The following MXD4 variants were observed in gnomAD, a reference collection of about 807,000 sequenced individuals.
MXD4 encodes Mad4 homolog.
In MXD4, 16 loss-of-function variants were observed where a neutral mutation model predicts 24.5. The ratio of observed to expected loss-of-function variants is 0.65; its 90% CI spans 0.44 to 0.99. The LOEUF (loss-of-function observed/expected upper bound fraction) is 0.99. MXD4 is among the 50% of genes least tolerant of loss of function. The pLI is 0.00. For synonymous variants in MXD4, 164 were observed against 134.2 expected, an observed-to-expected ratio of 1.22 and a Z score of -1.54; for missense variants, 301 against 301.5, an observed-to-expected ratio of 1.00 and a Z score of 0.01.
chr4:2,255,484 C>T (rs1735407563), intron 3 of MXD4: 1 of 440,080 alleles, frequency 2.3e-6, no homozygotes, highest in South Asian at 1.6e-5. Flanking sequence ...TGGAGAGCAG[C>T]AGTGGCCTGG....
chr4:2,248,021 A>C lies in MXD4; in HGVS notation c.*2523T>G, dbSNP rs1269382594. 6.6e-6 allele frequency: 1 copy of C among 152,352 alleles called. No homozygotes were observed. Among genetic ancestry groups the C allele is most frequent in the African/African-American group, 2.4e-5 (1 of 41,470 alleles). 9.4% of individuals were successfully genotyped at this position (152,352 alleles called of 1,614,324 possible). On this transcript the variant is annotated 3_prime_UTR_variant, in exon 6 of 6. Coordinates refer to ENST00000337190, the MANE Select transcript of MXD4 (RefSeq NM_006454.3). ...GCTGGGAGGGCACACGCAGAGGCTC[A>C]GGAGCCCCGGGCTCTGTTCTGCTTC...
rs150472242 is a variant in MXD4 at position 2,250,634 on chromosome 4, C to G, written c.540G>C (p.Ala180=). 2 of 1,613,570 alleles carry G rather than the reference C, an allele frequency of 1.2e-6. No homozygotes were observed. Among genetic ancestry groups the G allele is most frequent in the East Asian group, 2.2e-5 (1 of 44,876 alleles). ...ELDSVGSSSD[A]DDHYSLQSGT... is the part of the protein sequence containing the mutation. ...CACTCTGCAGGCTGTAGTGGTCGTC[C>G]GCGTCACTGCTGCTGCCAACACTGT... The change falls in exon 6 of 6, where the codon GCG becomes GCC. Residue 180 remains alanine (A), a synonymous_variant. Coordinates refer to ENST00000337190, the MANE Select transcript of MXD4 (RefSeq NM_006454.3).
chr4:2,247,647 T>C lies in MXD4; in HGVS notation c.*2897A>G, dbSNP rs1466321619. ...GCTGGCCGAGGGTCAGGGTCCTCTG[T>C]GCAGGCAGTGGGGAGGGGGTCCCAG... On this transcript the variant is annotated 3_prime_UTR_variant, in exon 6 of 6. Transcript: ENST00000337190. The C allele has an allele frequency of 2.0e-5, 3 of 152,178 alleles. No individual in the cohort carries two copies. The highest frequency in any genetic ancestry group is 4.4e-5 in the Non-Finnish European group (3 of 68,102). The allele number at this position is 152,178 out of a possible 1,614,324, so 9.4% of individuals were successfully genotyped here. A position where few individuals can be genotyped will look rare whatever the true frequency, so the allele number is the denominator to read the frequency against.
chr4:2,250,861 C>T (rs907455580), intron 5 of MXD4, among the ~76,000 whole-genome samples, 160 bp from the exon 6 acceptor site: 2 of 152,160 alleles, frequency 1.3e-5, no homozygotes, highest in African/African-American at 4.8e-5. Context: ...GGCTGAGAAC[C>T]CGGCCTCAGA....
intron 4 of MXD4, 64 bp downstream of exon 4, chr4:2,252,344 C>A: frequency 7.3e-7 from 1 of 1,366,806 alleles, no homozygotes; most frequent in Admixed American, 1.7e-5. Context: ...TGAGCACCCC[C>A]CCAGGGCGTG....
At chr4:2,254,994 G>A in intron 3 of MXD4, 4 of 295,450 alleles carry the variant, frequency 1.4e-5, no homozygotes, top group South Asian at 8.4e-5. Flanking sequence ...GATCCACAAA[G>A]GTCTGCGCTC....
At chr4:2,259,875 T>C (rs554523729) in intron 2 of MXD4, among the ~76,000 whole-genome samples, 1 of 152,226 alleles carries the variant, frequency 6.6e-6, no homozygotes, top group Non-Finnish European at 1.5e-5. Context: ...CTGGCCCCAG[T>C]GCTCTGCCGC....
rs1432354120 is a variant in MXD4 at position 2,252,423 on chromosome 4, G to C, written c.294C>G (p.Ala98=). The C allele has an allele frequency of 6.2e-7, 1 of 1,612,882 alleles. No individual in the cohort carries two copies. The highest frequency in any genetic ancestry group is 8.5e-7 in the Non-Finnish European group (1 of 1,179,858). The change falls in exon 4 of 6, where the codon GCC becomes GCG. Residue 98 remains alanine (A), a synonymous_variant. Coordinates refer to ENST00000337190, the MANE Select transcript of MXD4 (RefSeq NM_006454.3). ...RHTTLSLLKR[A]KVHIKKLEEQ... is the part of the protein sequence containing the mutation. ...GCCCACTCACCTTGATGTGCACCTT[G>C]GCCCGCTTCAGGAGGCTCAGCGTGG...
rs1735559818 is a variant in MXD4 at position 2,262,030 on chromosome 4, C to A, written c.-50G>T. 2 of 1,034,600 alleles carry A rather than the reference C, an allele frequency of 1.9e-6. No individual in the cohort carries two copies. Among genetic ancestry groups the A allele is most frequent in the South Asian group, 3.9e-5 (1 of 25,330 alleles). 64.1% of individuals were successfully genotyped at this position (1,034,600 alleles called of 1,614,324 possible). The stretch of plus-strand genomic sequence containing the variant: ...CGGGACGGCGGCGGCCGCTGCCCGG[C>A]CCGCTCCGGCCGGCTCCGCTCGCCG... On this transcript the variant is annotated 5_prime_UTR_variant, in exon 1 of 6. Transcript: ENST00000337190.
chr4:2,259,037 C>T (rs1735487486), intron 2 of MXD4: 1 of 446,964 alleles, frequency 2.2e-6, no homozygotes. Context: ...AGCCAGGGCT[C>T]CCGGGCCTCC....
intron 1 of MXD4, 41 bp from the exon 2 acceptor site, chr4:2,261,865 G>T (rs751982141): frequency 8.0e-6 from 11 of 1,380,300 alleles, no homozygotes; most frequent in African/African-American, 1.5e-5. Flanking sequence ...CGCCCGGCAC[G>T]GCCCCGCCGC....
Position 2,250,646 on chromosome 4 carries a change from G to A in MXD4, c.528C>T (p.Ser176=), listed in dbSNP as rs371836137. 8 of 1,613,612 alleles carry A rather than the reference G, an allele frequency of 5.0e-6. No individual in the cohort carries two copies. In the Admixed American group the frequency reaches 5.0e-5, roughly 10 times the overall value. The change falls in exon 6 of 6, where the codon AGC becomes AGT. Residue 176 remains serine, a synonymous_variant. Transcript: ENST00000337190. ...FGPGELDSVG[S]SSDADDHYSL... ...TGTAGTGGTCGTCCGCGTCACTGCT[G>A]CTGCCAACACTGTCCAGCTCACCAG...
chr4:2,261,527 G>A (rs1401258617), intron 2 of MXD4, among the ~76,000 whole-genome samples, 198 bp downstream of exon 2: 1 of 149,660 alleles, frequency 6.7e-6, no homozygotes, highest in African/African-American at 2.4e-5. Context: ...GCCGCGGGAA[G>A]ATGGCGACGG....
chr4:2,259,260 C>G (rs992659621), intron 2 of MXD4, among the ~76,000 whole-genome samples: 5 of 152,302 alleles, frequency 3.3e-5, no homozygotes, highest in East Asian at 1.9e-4. Context: ...CCAACAGGCC[C>G]TGGGCCTCCT....
At chr4:2,257,665 T>A (rs1287561562) in intron 3 of MXD4, among the ~76,000 whole-genome samples, 1 of 152,218 alleles carries the variant, frequency 6.6e-6, no homozygotes, top group Non-Finnish European at 1.5e-5. Context: ...CCCTCCTGAT[T>A]GGAGACCACT....
At chr4:2,258,660 C>T (rs553774208) in intron 2 of MXD4, among the ~76,000 whole-genome samples, 2 of 152,210 alleles carry the variant, frequency 1.3e-5, no homozygotes, top group African/African-American at 4.8e-5. Context: ...CACACACCTG[C>T]GTGACCACAG....
In MXD4 at chr4:2,261,924, C is replaced by A; in HGVS notation, c.57G>T (p.Arg19Ser). 1 of 1,464,252 alleles carries A rather than the reference C, an allele frequency of 6.8e-7. No individual in the cohort carries two copies. Among genetic ancestry groups the A allele is most frequent in the East Asian group, 3.0e-5 (1 of 33,850 alleles). 90.7% of individuals were successfully genotyped at this position (1,464,252 alleles called of 1,614,324 possible). The change falls in exon 1 of 6, where the codon AGG becomes AGT. Residue 19 changes from arginine (R) to serine (S), a missense_variant. Arg to Ser is a moderately radical substitution (Grantham distance 110, BLOSUM62 -1). Coordinates refer to ENST00000337190, the MANE Select transcript of MXD4 (RefSeq NM_006454.3). ...LLEAAEYLERRDREAEHGYAS... is the reference protein window; with the variant it reads ...LLEAAEYLERSDREAEHGYAS... ...ATGGGGTGCGAGCGCTACCTCGATC[C>A]CTGCGCTCCAGGTACTCGGCCGCCT...
In MXD4 at chr4:2,249,756, A is replaced by T. The variant is rs1178188732; in HGVS notation, c.*788T>A. On this transcript the variant is annotated 3_prime_UTR_variant, in exon 6 of 6. Coordinates refer to ENST00000337190, the MANE Select transcript of MXD4 (RefSeq NM_006454.3). Reference sequence around the variant, plus strand: ...AGGAGCTAGAGGGGGATCCAGGCACAGCCCAGGGGCTGTTTGCCAGATGAC... The same window carrying T: ...AGGAGCTAGAGGGGGATCCAGGCACTGCCCAGGGGCTGTTTGCCAGATGAC... The T allele has an allele frequency of 6.6e-6, 1 of 152,296 alleles. No homozygotes were observed. Among genetic ancestry groups the T allele is most frequent in the African/African-American group, 2.4e-5 (1 of 41,458 alleles). The allele number at this position is 152,296 out of a possible 1,614,324, so 9.4% of individuals were successfully genotyped here.
chr4:2,252,391 G>C lies in MXD4; in HGVS notation c.309+17C>G, dbSNP rs912667334. On this transcript the variant is annotated intron_variant, in intron 4 of 5. Coordinates refer to ENST00000337190, the MANE Select transcript of MXD4 (RefSeq NM_006454.3). ...AGGCAGCCAGACAGGGCAGGGTGGA[G>C]AGCAAGGCCCACTCACCTTGATGTG... The C allele has an allele frequency of 1.9e-6, 3 of 1,597,288 alleles. No homozygotes were observed. The highest frequency in any genetic ancestry group is 2.7e-5 in the African/African-American group (2 of 74,606).
Sources: allele counts gnomAD v4.1 joint callset (sites outside exome capture counted in the v4.1 genomes callset), GRCh38; gene constraint gnomAD v4.1.1; transcripts MANE v1.5; gene names NCBI Gene and HGNC (gene_info 2026-07-23, HGNC 2026-07-21).